The following ZMIZ1 variants were observed in gnomAD, a reference collection of about 807,000 sequenced individuals.
The protein encoded by ZMIZ1 is zinc finger MIZ-type containing 1.
Under a neutral mutation model 113.9 loss-of-function variants are expected in ZMIZ1, and 17 were observed. The observed-to-expected ratio is 0.15, with a 90% confidence interval of 0.10 to 0.22. The LOEUF is 0.22. ZMIZ1 is among the 10% of genes least tolerant of loss of function. The pLI, the probability that ZMIZ1 is intolerant of heterozygous loss-of-function variation, is 1.00. For missense variants in ZMIZ1, 1,059 were observed against 1,477.8 expected, an observed-to-expected ratio of 0.72 and a Z score of 4.65; for synonymous variants, 607 against 603.1, an observed-to-expected ratio of 1.01 and a Z score of -0.09.
intron 7 of ZMIZ1, among the ~76,000 whole-genome samples, chr10:79,264,474 G>A (rs1170737161): frequency 1.3e-5 from 2 of 152,166 alleles, no homozygotes; most frequent in African/African-American, 2.4e-5. Context: ...TCTCCAGCAC[G>A]CTTGCTTTGC....
At chr10:79,226,626 AGGGATTTCAG>A (rs1849209899) in intron 7 of ZMIZ1, among the ~76,000 whole-genome samples, 1 of 152,202 alleles carries the variant, frequency 6.6e-6, no homozygotes, top group Non-Finnish European at 1.5e-5. Context: ...CCCCCAGAGG[AGGGATTTCAG>A]GGGATTCGAG....
intron 7 of ZMIZ1, among the ~76,000 whole-genome samples, chr10:79,269,368 G>A (rs76352075): frequency 0.011 from 1,708 of 151,822 alleles, 24 homozygotes; most frequent in South Asian, 0.055. Context: ...CCATTGCTTC[G>A]CAGGCCTCTT....
chr10:79,250,463 C>T (rs952835929), intron 7 of ZMIZ1, among the ~76,000 whole-genome samples: 7 of 152,258 alleles, frequency 4.6e-5, no homozygotes, highest in Middle Eastern at 3.2e-3. Flanking sequence ...GCCTGGCTGT[C>T]CCTCCGGCAG....
At chr10:79,176,929 A>T (rs1846893603) in intron 4 of ZMIZ1, among the ~76,000 whole-genome samples, 1 of 152,180 alleles carries the variant, frequency 6.6e-6, no homozygotes, top group Non-Finnish European at 1.5e-5. Flanking sequence ...GTTTGTGGCA[A>T]TGTGTCTCCA....
chr10:79,209,197 G>T (rs1848448317), intron 6 of ZMIZ1, among the ~76,000 whole-genome samples: 1 of 151,520 alleles, frequency 6.6e-6, no homozygotes, highest in Non-Finnish European at 1.5e-5. Context: ...GGGCAGGAGT[G>T]CTCGGGGCAC....
At chr10:79,235,799 G>A (rs1250593) in intron 7 of ZMIZ1, among the ~76,000 whole-genome samples, 102,009 of 152,156 alleles carry the variant, frequency 0.67, 34,358 homozygotes, top group East Asian at 0.78. Context: ...TTAGAAGAGC[G>A]TATCTGCCTA....
intron 11 of ZMIZ1, 47 bp downstream of exon 11, chr10:79,292,403 G>A (rs1391191021): frequency 1.3e-6 from 2 of 1,580,106 alleles, no homozygotes; most frequent in Non-Finnish European, 1.7e-6. Context: ...AGCCAGCCAG[G>A]CAGACAGCCC....
intron 2 of ZMIZ1, among the ~76,000 whole-genome samples, chr10:79,121,187 C>T (rs1844272895): frequency 6.6e-6 from 1 of 152,216 alleles, no homozygotes; most frequent in African/African-American, 2.4e-5. Context: ...CTCCCATGAT[C>T]TCCTCTCAGG....
At chr10:79,257,755 G>A (rs1851012919) in intron 7 of ZMIZ1, among the ~76,000 whole-genome samples, 1 of 152,218 alleles carries the variant, frequency 6.6e-6, no homozygotes, top group Admixed American at 6.5e-5. Flanking sequence ...GGGGTTCCAA[G>A]CCACAGAGAC....
chr10:79,101,367 T>C (rs1843358419), intron 1 of ZMIZ1, among the ~76,000 whole-genome samples: 1 of 152,074 alleles, frequency 6.6e-6, no homozygotes, highest in Admixed American at 6.5e-5. Flanking sequence ...GAACAGCATA[T>C]GCAAAGGCTC....
Position 79,176,207 on chromosome 10 carries a change from T to C in ZMIZ1, c.-50+14074T>C, listed in dbSNP as rs147539201. Reference sequence around the variant, plus strand: ...ACTGCCTCTCGAAATGTCATTAATATATGGCTAGCGGGGAGAGCTCCCAGG... The same window carrying C: ...ACTGCCTCTCGAAATGTCATTAATACATGGCTAGCGGGGAGAGCTCCCAGG... On this transcript the variant is annotated intron_variant, in intron 4 of 24. Transcript: ENST00000334512. Among the ~76,000 whole-genome samples, 114 of 152,160 alleles carry C rather than the reference T, an allele frequency of 7.5e-4. 1 individual carries two copies. The East Asian group carries it at 0.013, about 18-fold the overall frequency.
intron 23 of ZMIZ1, among the ~76,000 whole-genome samples, chr10:79,309,381 C>T (rs552947125): frequency 6.6e-6 from 1 of 152,328 alleles, no homozygotes; most frequent in East Asian, 1.9e-4. Context: ...CCCTGCTCTC[C>T]CAGGGTGGGC....
chr10:79,138,235 C>G (rs1288525313), intron 2 of ZMIZ1, among the ~76,000 whole-genome samples: 4 of 152,236 alleles, frequency 2.6e-5, no homozygotes, highest in Non-Finnish European at 4.4e-5. Context: ...GTGCAAGGCC[C>G]CCAGGAGCCC....
intron 4 of ZMIZ1, among the ~76,000 whole-genome samples, chr10:79,190,038 G>A (rs914028342): frequency 3.9e-5 from 6 of 152,330 alleles, no homozygotes; most frequent in Admixed American, 3.3e-4. Context: ...CCTCAGCCCA[G>A]CTCCCACCCC....
intron 2 of ZMIZ1, among the ~76,000 whole-genome samples, chr10:79,138,258 C>A (rs527450770): frequency 6.6e-6 from 1 of 152,348 alleles, no homozygotes; most frequent in Admixed American, 6.5e-5. Context: ...AGGGTCAGAG[C>A]GCCAAGAGCA....
chr10:79,221,498 A>G (rs2132734871), intron 7 of ZMIZ1, among the ~76,000 whole-genome samples: 1 of 152,234 alleles, frequency 6.6e-6, no homozygotes, highest in East Asian at 1.9e-4. Flanking sequence ...CTGGCCCGGC[A>G]TCCTGATGCT....
intron 8 of ZMIZ1, among the ~76,000 whole-genome samples, chr10:79,288,930 G>C (rs1853277756): frequency 6.6e-6 from 1 of 152,218 alleles, no homozygotes; most frequent in South Asian, 2.1e-4. Flanking sequence ...GGTGAGGGGA[G>C]GAGGGGAAAT....
At chr10:79,121,683 G>C (rs1401755728) in intron 2 of ZMIZ1, among the ~76,000 whole-genome samples, 2 of 152,212 alleles carry the variant, frequency 1.3e-5, no homozygotes, top group Non-Finnish European at 2.9e-5. Context: ...AAGGATCAGG[G>C]TGTGGGACCA....
At position 79,224,170 on chromosome 10, in the gene ZMIZ1, C is replaced by T. The variant is rs181277198; in HGVS notation, c.280+7896C>T. ...GTATGATCCCAGCCAGGTGCAAAAACAAAACGTACATGTATTTAGGCACAG... is the reference window on the plus strand; with the variant it reads ...GTATGATCCCAGCCAGGTGCAAAAATAAAACGTACATGTATTTAGGCACAG... On this transcript the variant is annotated intron_variant, in intron 7 of 24. Transcript: ENST00000334512. Among the ~76,000 whole-genome samples, 651 of 152,328 alleles carry T rather than the reference C, an allele frequency of 4.3e-3. 13 individuals carry two copies. The highest frequency in any genetic ancestry group is 0.04 in the South Asian group (192 of 4,830).
Sources: allele counts gnomAD v4.1 joint callset (sites outside exome capture counted in the v4.1 genomes callset), GRCh38; gene constraint gnomAD v4.1.1; transcripts MANE v1.5; gene names NCBI Gene and HGNC (gene_info 2026-07-23, HGNC 2026-07-21).